The following TXNDC16 variants were observed in gnomAD, a reference collection of about 807,000 sequenced individuals.
TXNDC16 encodes the protein thioredoxin domain containing 16, also known as thioredoxin domain-containing protein 16.
In TXNDC16, 74 loss-of-function variants were observed where a neutral mutation model predicts 85.6. That is an observed-to-expected ratio of 0.86 (90% CI 0.72 to 1.05). TXNDC16 has a LOEUF of 1.05. Ranked by LOEUF, TXNDC16 falls within the 50% of genes least tolerant of loss-of-function variation. The pLI is 0.00. For missense variants in TXNDC16, 959 were observed against 947.0 expected (o/e 1.01, Z -0.17); for synonymous variants, 335 against 326.5 (o/e 1.03, Z -0.28).
chr14:52,466,256 G>A (rs929252963), intron 16 of TXNDC16, among the ~76,000 whole-genome samples: 1 of 151,608 alleles, frequency 6.6e-6, no homozygotes, highest in African/African-American at 2.4e-5. Flanking sequence ...AGCCAGGCAT[G>A]GTGGCACATG....
chr14:52,518,166 T>C (rs1295056190), intron 7 of TXNDC16, among the ~76,000 whole-genome samples: 9 of 152,254 alleles, frequency 5.9e-5, no homozygotes, highest in African/African-American at 1.7e-4. Context: ...TCCATAAATG[T>C]TGAAGTATCT....
At chr14:52,445,721 T>G (rs2035265935) in intron 18 of TXNDC16, among the ~76,000 whole-genome samples, 1 of 152,224 alleles carries the variant, frequency 6.6e-6, no homozygotes, top group Non-Finnish European at 1.5e-5. Flanking sequence ...TTTACCATTG[T>G]TACAAGAGCC....
intron 18 of TXNDC16, among the ~76,000 whole-genome samples, chr14:52,454,002 A>T (rs1294861185): frequency 6.6e-6 from 1 of 152,242 alleles, no homozygotes; most frequent in African/African-American, 2.4e-5. Context: ...AGTAAAAAAT[A>T]ATTTAATTGT....
At chr14:52,487,462 A>G (rs555777993) in intron 12 of TXNDC16, among the ~76,000 whole-genome samples, 9 of 152,360 alleles carry the variant, frequency 5.9e-5, no homozygotes, top group African/African-American at 1.7e-4. Context: ...ACAAAAATGA[A>G]CAAGACATAA....
At chr14:52,491,347 T>C (rs1209189475) in intron 9 of TXNDC16, among the ~76,000 whole-genome samples, 1 of 105,124 alleles carries the variant, frequency 9.5e-6, no homozygotes, top group Admixed American at 1.0e-4. Context: ...ATGCCTAGCT[T>C]TTTTTTTTTT....
intron 6 of TXNDC16, among the ~76,000 whole-genome samples, chr14:52,529,457 AAACTTT>A (rs1344038105): frequency 1.4e-5 from 2 of 146,118 alleles, no homozygotes; most frequent in Non-Finnish European, 3.0e-5. Flanking sequence ...ATGTACCCTA[AAACTTT>A]AACTATAATA....
chr14:52,458,345 G>A (rs1168189215), intron 16 of TXNDC16, among the ~76,000 whole-genome samples: 1 of 152,134 alleles, frequency 6.6e-6, no homozygotes, highest in Non-Finnish European at 1.5e-5. Context: ...ATCACTTGAG[G>A]ACAGGAGTTT....
At chr14:52,543,151 C>T (rs1566590767) in intron 3 of TXNDC16, among the ~76,000 whole-genome samples, 1 of 151,956 alleles carries the variant, frequency 6.6e-6, no homozygotes, top group Admixed American at 6.6e-5. Context: ...ATCCTCACAA[C>T]AAACTTATAA....
At chr14:52,469,743 A>G (rs2035859180) in intron 16 of TXNDC16, among the ~76,000 whole-genome samples, 1 of 152,202 alleles carries the variant, frequency 6.6e-6, no homozygotes, top group Admixed American at 6.5e-5. Context: ...CTCTGTCTCA[A>G]AAAAACAAAA....
intron 7 of TXNDC16, 79 bp from the exon 8 acceptor site, chr14:52,515,049 T>C (rs2037049819): frequency 5.0e-6 from 5 of 996,016 alleles, no homozygotes; most frequent in East Asian, 4.9e-5. Context: ...TTCTGAATAT[T>C]ATCCTACACT....
At chr14:52,458,634 CAT>C (rs1455716607) in intron 16 of TXNDC16, among the ~76,000 whole-genome samples, 1 of 152,130 alleles carries the variant, frequency 6.6e-6, no homozygotes, top group African/African-American at 2.4e-5. Context: ...AGAAAAGACA[CAT>C]GAGATTATAA....
At chr14:52,468,697 G>C (rs1003920892) in intron 16 of TXNDC16, among the ~76,000 whole-genome samples, 1 of 151,962 alleles carries the variant, frequency 6.6e-6, no homozygotes, top group Non-Finnish European at 1.5e-5. Context: ...GGGCAACACA[G>C]GGAGACCTCA....
At chr14:52,530,432 AATATATAATATATTATTATATAATAAT>A (rs2037510797) in intron 6 of TXNDC16, among the ~76,000 whole-genome samples, 1 of 18,814 alleles carries the variant, frequency 5.3e-5, no homozygotes, top group Non-Finnish European at 7.7e-5. Flanking sequence ...TATATATAAT[AATATATAATATATTATTATATAATAAT>A]ATATATTATA....
intron 6 of TXNDC16, among the ~76,000 whole-genome samples, chr14:52,534,661 A>ATAAC (rs1383402034): frequency 1.3e-5 from 2 of 152,146 alleles, no homozygotes; most frequent in African/African-American, 2.4e-5. Flanking sequence ...CTAGACATGA[A>ATAAC]TAACTACTCC....
rs2037296319 is a variant in TXNDC16, at chr14:52,525,058, G to A, written c.393-5765C>T. ...AATCGTGTGAACCCAGGAGGTGGGG[G>A]TTGCACAGGGCCAAAATCACGCCAT... On this transcript the variant is annotated intron_variant, in intron 6 of 20. Coordinates refer to ENST00000281741, the MANE Select transcript of TXNDC16 (RefSeq NM_020784.3). 2.6e-5 allele frequency among the ~76,000 whole-genome samples: 4 copies of A among 151,930 alleles called. No homozygotes were observed. In the South Asian group the frequency reaches 8.3e-4, roughly 32 times the overall value.
rs749732736 is a variant in TXNDC16, at chr14:52,511,377, C to T, written c.619G>A (p.Glu207Lys). ...LLESIGSEDV[E>K]YAHLYFFHCK... Reference sequence around the variant, plus strand: ...TGAAAAAAGTAGAGATGTGCATATTCCACATCCTCAGAGCTACAAATTAAA... The same window carrying T: ...TGAAAAAAGTAGAGATGTGCATATTTCACATCCTCAGAGCTACAAATTAAA... The change falls in exon 9 of 21, where the codon GAA (glutamate) becomes AAA (lysine). Residue 207 changes from glutamate (E) to lysine (K), a missense_variant. By Grantham distance (56) the Glu-to-Lys change is moderately conservative. Coordinates refer to ENST00000281741, the MANE Select transcript of TXNDC16 (RefSeq NM_020784.3). 1.5e-5 allele frequency: 24 copies of T among 1,585,408 alleles called. No homozygotes were observed. Among genetic ancestry groups the T allele is most frequent in the Non-Finnish European group, 2.0e-5 (23 of 1,162,180 alleles).
At chr14:52,536,610 C>T (rs2037706132) in intron 6 of TXNDC16, 109 bp downstream of exon 6, 1 of 1,044,582 alleles carries the variant, frequency 9.6e-7, no homozygotes, top group Non-Finnish European at 1.4e-6. Flanking sequence ...TTGTTGCCTA[C>T]AAATATAATG....
chr14:52,505,083 G>A (rs561639232), intron 9 of TXNDC16, among the ~76,000 whole-genome samples: 2 of 152,214 alleles, frequency 1.3e-5, no homozygotes, highest in South Asian at 2.1e-4. Context: ...AGTTCTTAGC[G>A]ACCTACAAAG....
At chr14:52,513,338 C>G (rs1440282154) in intron 8 of TXNDC16, among the ~76,000 whole-genome samples, 1 of 152,036 alleles carries the variant, frequency 6.6e-6, no homozygotes, top group East Asian at 1.9e-4. Flanking sequence ...ATGTATTCAC[C>G]TCACTCCTAT....
Sources: gnomAD v4.1 joint callset for allele counts (sites outside exome capture counted in the v4.1 genomes callset) on GRCh38, gnomAD v4.1.1 for gene constraint, MANE v1.5 for transcripts, NCBI Gene and HGNC (gene_info 2026-07-23, HGNC 2026-07-21) for gene names.